Variants in SPATA13 observed in about 807,000 individuals in gnomAD.
The protein encoded by SPATA13 is spermatogenesis associated 13, also known as spermatogenesis-associated protein 13.
Under a neutral mutation model 104.0 loss-of-function variants are expected in SPATA13, and 50 were observed. The ratio of observed to expected loss-of-function variants is 0.48; its 90% CI spans 0.38 to 0.61. The LOEUF (loss-of-function observed/expected upper bound fraction) is 0.61. Among genes scored for constraint, SPATA13 ranks in the 20% least tolerant of loss-of-function variants. SPATA13 has a pLI of 0.00. For missense variants in SPATA13, 1,524 were observed against 1,690.6 expected, an observed-to-expected ratio of 0.90 and a Z score of 1.73; for synonymous variants, 606 against 667.5, an observed-to-expected ratio of 0.91 and a Z score of 1.42.
rs1875949384 is a variant in SPATA13 at position 24,286,394 on chromosome 13, G to GT, written c.2481+2dup. 1.2e-6 allele frequency: 2 copies of GT among 1,611,468 alleles called. No individual in the cohort carries two copies. On this transcript the variant is annotated splice_donor_variant, in intron 6 of 12. Coordinates refer to ENST00000382108, the MANE Select transcript of SPATA13 (RefSeq NM_001166271.3). LOFTEE classifies it high-confidence loss of function. This position sits in a 1 kb window ranked among gnomAD's most constrained non-coding sequence, Gnocchi z 4.9. ...CTGGTTCCCCGCGAGCTTCGTCAGAGTAAGTGTGGGGTGCTTGCAGCTTTT... is the reference window on the plus strand; with the variant it reads ...CTGGTTCCCCGCGAGCTTCGTCAGAGTTAAGTGTGGGGTGCTTGCAGCTTTT...
At chr13:24,091,627 A>G (rs1434479981) in intron 3 of SPATA13, among the ~76,000 whole-genome samples, 2 of 152,222 alleles carry the variant, frequency 1.3e-5, no homozygotes, top group African/African-American at 4.8e-5. Flanking sequence ...TTTGGCCAAC[A>G]TGGTGAAACC....
chr13:24,036,085 T>A (rs185012956), intron 3 of SPATA13, among the ~76,000 whole-genome samples: 16 of 151,650 alleles, frequency 1.1e-4, no homozygotes, highest in Admixed American at 6.6e-4. Context: ...TCTGATGGAC[T>A]AGTTCTACTA....
intron 3 of SPATA13, among the ~76,000 whole-genome samples, chr13:24,019,112 G>T (rs1238958183): frequency 4.8e-5 from 7 of 146,370 alleles, no homozygotes; most frequent in Non-Finnish European, 1.0e-4. Flanking sequence ...TTTTTGAGAC[G>T]GAGTCTCGCT....
Position 24,290,638 on chromosome 13 carries a change from C to G in SPATA13, c.2848-14C>G. ...CACCCCAGAAGCTGACGAAGCTGTA[C>G]TTTTCCTTCCCAGCAAGAGGGCTTT... On this transcript the variant is annotated splice_polypyrimidine_tract_variant and intron_variant, in intron 8 of 12. Coordinates refer to ENST00000382108, the MANE Select transcript of SPATA13 (RefSeq NM_001166271.3). The G allele has an allele frequency of 6.2e-7, 1 of 1,611,446 alleles. No homozygotes were observed. The highest frequency in any genetic ancestry group is 8.5e-7 in the Non-Finnish European group (1 of 1,177,614).
chr13:24,027,133 C>CAT (rs1877258176), intron 3 of SPATA13, among the ~76,000 whole-genome samples: 1 of 90,618 alleles, frequency 1.1e-5, no homozygotes, highest in African/African-American at 4.0e-5. Flanking sequence ...TTTGTTTAGC[C>CAT]GTTTTTTTTT....
At chr13:24,213,130 A>C (rs1192867569) in intron 1 of SPATA13, among the ~76,000 whole-genome samples, 1 of 152,228 alleles carries the variant, frequency 6.6e-6, no homozygotes, top group Admixed American at 6.5e-5. Flanking sequence ...CAGGAGGCTG[A>C]AGTGACTGCT....
In SPATA13 at chr13:24,279,809, C is replaced by T. The variant is rs553729467; in HGVS notation, c.2165-4326C>T. Among the ~76,000 whole-genome samples, 6 of 152,306 alleles carry T rather than the reference C, an allele frequency of 3.9e-5. No homozygotes were observed. The East Asian group carries it at 7.7e-4, about 20-fold the overall frequency. The stretch of plus-strand genomic sequence containing the variant: ...TTCACCCAGGAATTTTCACTCCAGG[C>T]TCCATGACTTTCCCTCGTCCATGTT... On this transcript the variant is annotated intron_variant, in intron 4 of 12. Coordinates refer to ENST00000382108, the MANE Select transcript of SPATA13 (RefSeq NM_001166271.3).
chr13:23,985,223 G>GAGGGA (rs1185641772), intron 2 of SPATA13, among the ~76,000 whole-genome samples: 10 of 152,332 alleles, frequency 6.6e-5, no homozygotes, highest in Admixed American at 6.5e-4. Flanking sequence ...CACTCAACAA[G>GAGGGA]TATTGACCAG....
intron 2 of SPATA13, among the ~76,000 whole-genome samples, chr13:24,237,738 G>A (rs958908981): frequency 6.6e-5 from 10 of 151,948 alleles, no homozygotes; most frequent in Non-Finnish European, 1.5e-4. Context: ...GCCAAGATGG[G>A]AAGATCACTT....
At chr13:24,123,330 C>T in intron 3 of SPATA13, 1 of 1,397,184 alleles carries the variant, frequency 7.2e-7, no homozygotes, top group Admixed American at 1.7e-5. Context: ...GTTCTGATCA[C>T]TTTCGAACTT....
intron 3 of SPATA13, among the ~76,000 whole-genome samples, chr13:24,143,569 C>A (rs1881832705): frequency 6.6e-6 from 1 of 152,164 alleles, no homozygotes; most frequent in Admixed American, 6.5e-5. Flanking sequence ...TAAAAAGTTG[C>A]TCCTTTCCAA....
At chr13:24,278,513 AG>A in intron 4 of SPATA13, 2 of 713,196 alleles carry the variant, frequency 2.8e-6, no homozygotes, top group Non-Finnish European at 4.1e-6. Flanking sequence ...CCTGGGCTCA[AG>A]GGATCCTCCT....
intron 3 of SPATA13, among the ~76,000 whole-genome samples, chr13:24,127,522 A>C (rs368130996): frequency 6.6e-6 from 1 of 152,208 alleles, no homozygotes; most frequent in African/African-American, 2.4e-5. Flanking sequence ...GGTGAACCAT[A>C]GAGTGAACCA....
chr13:24,116,814 GAGGTA>G (rs1469299317), intron 3 of SPATA13, among the ~76,000 whole-genome samples: 1 of 151,844 alleles, frequency 6.6e-6, no homozygotes, highest in East Asian at 1.9e-4. Flanking sequence ...GGGCCTTTGG[GAGGTA>G]ATTAGGTTTA....
chr13:24,195,520 T>A (rs1213995297), intron 1 of SPATA13, among the ~76,000 whole-genome samples: 1 of 152,224 alleles, frequency 6.6e-6, no homozygotes, highest in Non-Finnish European at 1.5e-5. Context: ...TTTTAGGAAC[T>A]GCCAAATTAT....
At chr13:24,093,991 T>C (rs1305768375) in intron 3 of SPATA13, among the ~76,000 whole-genome samples, 3 of 152,184 alleles carry the variant, frequency 2.0e-5, no homozygotes, top group Non-Finnish European at 4.4e-5. Context: ...CTGTAGGCCA[T>C]GCCTGGAAGA....
intron 2 of SPATA13, among the ~76,000 whole-genome samples, chr13:23,991,048 C>A (rs541930394): frequency 6.6e-6 from 1 of 152,328 alleles, no homozygotes; most frequent in Admixed American, 6.5e-5. Context: ...AGGTTAAGAT[C>A]AGGCAGAGGA....
chr13:24,159,748 T>C (rs1452853862), upstream of SPATA13, among the ~76,000 whole-genome samples: 1 of 152,232 alleles, frequency 6.6e-6, no homozygotes, highest in Non-Finnish European at 1.5e-5. Flanking sequence ...TCACTTTTCA[T>C]TGGGTAATAT....
At chr13:24,102,567 C>T (rs775012550) in intron 3 of SPATA13, among the ~76,000 whole-genome samples, 4 of 151,396 alleles carry the variant, frequency 2.6e-5, no homozygotes, top group South Asian at 2.1e-4. Flanking sequence ...CTCCTTCTCC[C>T]GGGATTAGGT....
Sources: gnomAD v4.1 joint callset for allele counts (sites outside exome capture counted in the v4.1 genomes callset) on GRCh38, gnomAD v4.1.1 for gene constraint, Gnocchi (gnomAD v3.1) non-coding constraint, MANE v1.5 for transcripts, NCBI Gene and HGNC (gene_info 2026-07-23, HGNC 2026-07-21) for gene names.